The following ESPN variants were observed in gnomAD, a reference collection of about 807,000 sequenced individuals.
ESPN encodes the protein autosomal recessive deafness type 36 protein.
In ESPN, 68 loss-of-function variants were observed where a neutral mutation model predicts 77.7. The ratio of observed to expected loss-of-function variants is 0.87; its 90% confidence interval spans 0.72 to 1.07. ESPN has a LOEUF of 1.07. ESPN is among the 50% of genes least tolerant of loss of function. ESPN has a pLI of 0.00. For missense variants in ESPN, 1,060 were observed against 1,239.0 expected, an observed-to-expected ratio of 0.86 and a Z score of 2.17; for synonymous variants, 449 against 567.1, an observed-to-expected ratio of 0.79 and a Z score of 2.96.
At chr1:6,446,009 C>CTT in intron 7 of ESPN, 74 bp downstream of exon 7, 4 of 1,473,730 alleles carry the variant, frequency 2.7e-6, no homozygotes, top group Non-Finnish European at 3.8e-6. Context: ...GGCCAAAGGC[C>CTT]TGGCCTCACT....
Position 6,457,276 on chromosome 1 carries a change from T to C in ESPN, c.2405+13T>C, listed in dbSNP as rs548908786. ...TGGAAGAAGAGAGGTGAGCTGGGGGTCAGGCAGAGGCTGGCCTGGCAGGGT... is the reference window on the plus strand; with the variant it reads ...TGGAAGAAGAGAGGTGAGCTGGGGGCCAGGCAGAGGCTGGCCTGGCAGGGT... On this transcript the variant is annotated intron_variant, in intron 11 of 12. Transcript: ENST00000645284. 12 of 1,613,824 alleles carry C rather than the reference T, an allele frequency of 7.4e-6. No individual in the cohort carries two copies. The African/African-American group carries it at 9.3e-5, about 13-fold the overall frequency.
chr1:6,436,434 A>G (rs1177842451), intron 2 of ESPN, among the ~76,000 whole-genome samples: 7 of 151,756 alleles, frequency 4.6e-5, no homozygotes, highest in East Asian at 1.9e-4. Context: ...ATTATTATTT[A>G]CTATTATTAC....
chr1:6,440,973 G>A lies in ESPN; in HGVS notation c.898G>A (p.Val300Ile), dbSNP rs569870251. 1.4e-5 allele frequency: 23 copies of A among 1,603,762 alleles called. No individual in the cohort carries two copies. The highest frequency in any genetic ancestry group is 2.0e-5 in the Non-Finnish European group (23 of 1,176,474). Reference sequence around the variant, plus strand: ...GGTAGTGAACGGCGCGGAGCTGGACGTCCGCGACCGCGACGGGTACACGGC... The same window carrying A: ...GGTAGTGAACGGCGCGGAGCTGGACATCCGCGACCGCGACGGGTACACGGC... The part of the protein sequence containing the change: ...ILVVNGAELD[V>I]RDRDGYTAAD... The change falls in exon 5 of 13, where the codon GTC becomes ATC. Residue 300 changes from valine to isoleucine, a missense_variant. Coordinates refer to ENST00000645284, the MANE Select transcript of ESPN (RefSeq NM_031475.3).
chr1:6,452,176 C>T (rs1569730945), intron 10 of ESPN, 80 bp downstream of exon 10: 1 of 1,403,214 alleles, frequency 7.1e-7, no homozygotes, highest in Non-Finnish European at 9.4e-7. Context: ...CCCCCAACCC[C>T]AACCTCGGGA....
rs931578028 is a variant in ESPN, at chr1:6,459,989, A to C, written c.2418-10A>C. The C allele has an allele frequency of 1.2e-6, 2 of 1,612,430 alleles. No individual in the cohort carries two copies. Among genetic ancestry groups the C allele is most frequent in the African/African-American group, 1.3e-5 (1 of 74,626 alleles). On this transcript the variant is annotated splice_polypyrimidine_tract_variant and intron_variant, in intron 12 of 12. Transcript: ENST00000645284. ...CTTCACCGGGTCTGCCCCCCTCCCC[A>C]CTGCCTCAGGAAAGAGGAGGAGCGA...
intron 5 of ESPN, among the ~76,000 whole-genome samples, chr1:6,443,698 C>T (rs567586896): frequency 7.2e-5 from 11 of 152,358 alleles, no homozygotes; most frequent in Admixed American, 5.2e-4. Context: ...TGAGCGCGGC[C>T]GCTGAGCCGT....
At chr1:6,440,838 G>A in intron 4 of ESPN, 30 bp downstream of exon 4, 1 of 1,451,720 alleles carries the variant, frequency 6.9e-7, no homozygotes, top group Non-Finnish European at 9.0e-7. Flanking sequence ...GGGGGCGCGC[G>A]CCCTCTGCTG....
At chr1:6,439,491 C>T (rs1643543935) in intron 2 of ESPN, among the ~76,000 whole-genome samples, 1 of 152,120 alleles carries the variant, frequency 6.6e-6, no homozygotes, top group Non-Finnish European at 1.5e-5. Context: ...CTCAAGTGGC[C>T]CTGGGCAGTG....
In ESPN at chr1:6,437,067, C is replaced by T. The variant is rs1458631879; in HGVS notation, c.489-3187C>T. On this transcript the variant is annotated intron_variant, in intron 2 of 12. Coordinates refer to ENST00000645284, the MANE Select transcript of ESPN (RefSeq NM_031475.3). The surrounding 1 kb of genome is among the most constrained non-coding windows in gnomAD (Gnocchi z 4.5). ...TGGAGGCTCTGACTCCATAATGGGGCGTGTGAGTGCAGATGGTGGAATACT... is the reference window on the plus strand; with the variant it reads ...TGGAGGCTCTGACTCCATAATGGGGTGTGTGAGTGCAGATGGTGGAATACT... 6.6e-6 allele frequency among the ~76,000 whole-genome samples: 1 copy of T among 152,164 alleles called. No individual in the cohort carries two copies. The highest frequency in any genetic ancestry group is 2.1e-4 in the South Asian group (1 of 4,810).
At chr1:6,432,703 C>T (rs1370964705) in intron 2 of ESPN, among the ~76,000 whole-genome samples, 2 of 152,242 alleles carry the variant, frequency 1.3e-5, no homozygotes, top group Non-Finnish European at 2.9e-5. Flanking sequence ...ACCCCTTGGG[C>T]TCAGCTGGGC....
At chr1:6,429,253 G>C (rs1380030703) in intron 2 of ESPN, among the ~76,000 whole-genome samples, 28 of 152,036 alleles carry the variant, frequency 1.8e-4, no homozygotes, top group Admixed American at 1.4e-3. Flanking sequence ...ACCCTCATTA[G>C]TCTAAGTGGG....
chr1:6,456,963 T>A (rs2986734), intron 10 of ESPN, among the ~76,000 whole-genome samples: 2 of 152,240 alleles, frequency 1.3e-5, no homozygotes, highest in African/African-American at 4.8e-5. Flanking sequence ...CATTCAGCTC[T>A]GATCTCTCTG....
At position 6,425,240 on chromosome 1, in the gene ESPN, C is replaced by A; in HGVS notation, c.285C>A (p.Cys95Ter). 6.4e-7 allele frequency: 1 copy of A among 1,566,904 alleles called. No individual in the cohort carries two copies. ...CLQWLLSQGG[C>*]RVQDKDNSGA... ...AGTGGCTGCTGTCGCAGGGCGGCTG[C>A]AGAGTGCAGGTGGGTCCGCGCGGTT... The change falls in exon 1 of 13, where the codon TGC (cysteine) becomes TGA (stop). Residue 95 changes from cysteine to a stop codon, truncating the protein, a stop_gained. Coordinates refer to ENST00000645284, the MANE Select transcript of ESPN (RefSeq NM_031475.3). LOFTEE classifies it high-confidence loss of function.
intron 2 of ESPN, among the ~76,000 whole-genome samples, chr1:6,436,870 C>T (rs1011641340): frequency 6.6e-5 from 10 of 152,192 alleles, no homozygotes; most frequent in Admixed American, 1.3e-4. Context: ...GCCCATTGTT[C>T]TTCTTGTCCT....
In ESPN at chr1:6,431,224, A is replaced by G. The variant is rs532736462; in HGVS notation, c.488+2805A>G. 9.8e-5 allele frequency among the ~76,000 whole-genome samples: 15 copies of G among 152,320 alleles called. No homozygotes were observed. The South Asian group carries it at 3.1e-3, about 32-fold the overall frequency. On this transcript the variant is annotated intron_variant, in intron 2 of 12. Coordinates refer to ENST00000645284, the MANE Select transcript of ESPN (RefSeq NM_031475.3). ...GCCAGTCACAGCAAGCTGGAAAACC[A>G]GTTAGCCCAGAGATTTTATCAACTT...
At position 6,424,783 on chromosome 1, in the gene ESPN, GGCGGAGCGGAGCGCCAGGCAGC is replaced by G. The variant is rs1471719130; in HGVS notation, c.-161_-140del. On this transcript the variant is annotated 5_prime_UTR_variant, in exon 1 of 13. Coordinates refer to ENST00000645284, the MANE Select transcript of ESPN (RefSeq NM_031475.3). Reference sequence around the variant, plus strand: ...TCCGCGGGCTCCGGCCCCAGAGCGCGGCGGAGCGGAGCGCCAGGCAGCGCGGAGCGGAGGCCAGGCCCACAGC... The same window carrying G: ...TCCGCGGGCTCCGGCCCCAGAGCGCGGCGGAGCGGAGGCCAGGCCCACAGC... The G allele has an allele frequency of 6.0e-6, 4 of 664,980 alleles. No homozygotes were observed. Among genetic ancestry groups the G allele is most frequent in the East Asian group, 4.1e-5 (1 of 24,674 alleles). The allele number at this position is 664,980 out of a possible 1,614,324, so 41.2% of individuals were successfully genotyped here. A position where few individuals can be genotyped will look rare whatever the true frequency, so the allele number is the denominator to read the frequency against.
At chr1:6,431,374 C>A (rs201927432) in intron 2 of ESPN, among the ~76,000 whole-genome samples, 1 of 151,912 alleles carries the variant, frequency 6.6e-6, no homozygotes, top group Admixed American at 6.6e-5. Flanking sequence ...TTTGGGAGGC[C>A]GAGGCAGGTG....
chr1:6,452,369 T>C (rs1643964664), intron 10 of ESPN, among the ~76,000 whole-genome samples: 1 of 151,930 alleles, frequency 6.6e-6, no homozygotes, highest in South Asian at 2.1e-4. Flanking sequence ...CACGCCCAGC[T>C]AATTTTTTTG....
At chr1:6,438,975 G>A (rs1643527733) in intron 2 of ESPN, among the ~76,000 whole-genome samples, 1 of 152,216 alleles carries the variant, frequency 6.6e-6, no homozygotes. Context: ...AGCCAGGCGT[G>A]GTGGCACATG....
Sources: gnomAD v4.1 joint callset for allele counts (sites outside exome capture counted in the v4.1 genomes callset) on GRCh38, gnomAD v4.1.1 for gene constraint, Gnocchi (gnomAD v3.1) non-coding constraint, MANE v1.5 for transcripts, NCBI Gene and HGNC (gene_info 2026-07-23, HGNC 2026-07-21) for gene names.